Variants in NEDD9 observed in about 807,000 individuals in gnomAD.
NEDD9 encodes the protein enhancer of filamentation 1.
Under a neutral mutation model 76.6 loss-of-function variants are expected in NEDD9, and 26 were observed. The observed-to-expected ratio is 0.34, with a 90% CI of 0.25 to 0.47. The LOEUF (loss-of-function observed/expected upper bound fraction) is 0.47, where lower values mean the gene tolerates loss of function less well. Ranked by LOEUF, NEDD9 falls within the 20% of genes least tolerant of loss-of-function variation. The probability of loss-of-function intolerance (pLI) is 1.00; values close to 1 mark genes in which losing one functional copy is unlikely to be tolerated. For synonymous variants in NEDD9, 392 were observed against 414.2 expected, an observed-to-expected ratio of 0.95 and a Z score of 0.65; for missense variants, 937 against 1,058.5, an observed-to-expected ratio of 0.89 and a Z score of 1.59.
At chr6:11,311,656 G>C (rs138713537) in intron 2 of NEDD9, among the ~76,000 whole-genome samples, 4 of 152,330 alleles carry the variant, frequency 2.6e-5, no homozygotes, top group African/African-American at 7.2e-5. Flanking sequence ...AAAGAAGGAA[G>C]TAACATGTTA....
chr6:11,238,435 C>T (rs995099205), intron 3 of NEDD9, among the ~76,000 whole-genome samples: 4 of 152,206 alleles, frequency 2.6e-5, no homozygotes, highest in South Asian at 4.1e-4. Context: ...TCAATAAGGT[C>T]GAGTCTCCAC....
At chr6:11,285,491 G>A (rs1009116668) in intron 3 of NEDD9, among the ~76,000 whole-genome samples, 4 of 151,956 alleles carry the variant, frequency 2.6e-5, no homozygotes, top group East Asian at 1.9e-4. Flanking sequence ...TGAACAAATC[G>A]ATTCTGAACT....
intron 1 of NEDD9, 88 bp downstream of exon 1, chr6:11,232,416 C>G: frequency 1.3e-6 from 2 of 1,513,844 alleles, no homozygotes; most frequent in South Asian, 1.1e-5. Context: ...ACACAAGGGA[C>G]TGACAGTAAG....
chr6:11,334,349 A>G (rs186475475), intron 2 of NEDD9, among the ~76,000 whole-genome samples: 1 of 152,354 alleles, frequency 6.6e-6, no homozygotes, highest in Non-Finnish European at 1.5e-5. Context: ...AGTATGTATT[A>G]TCTTTTGTCA....
chr6:11,265,960 T>A (rs1760193133), intron 3 of NEDD9, among the ~76,000 whole-genome samples: 1 of 150,024 alleles, frequency 6.7e-6, no homozygotes, highest in Non-Finnish European at 1.5e-5. Flanking sequence ...ATGTTCTCAC[T>A]CATAAGTGGG....
At chr6:11,382,341 G>A (rs145771710), upstream of NEDD9, 48 of 152,388 alleles carry the variant, frequency 3.1e-4, no homozygotes, top group African/African-American at 1.1e-3. Context: ...AGTGGCATAT[G>A]TATGTGTGTG....
intron 1 of NEDD9, among the ~76,000 whole-genome samples, chr6:11,214,840 A>C (rs1192335689): frequency 1.3e-5 from 2 of 152,254 alleles, no homozygotes; most frequent in Admixed American, 1.3e-4. Flanking sequence ...GGATGCACTT[A>C]ATGTCATTGA....
chr6:11,196,549 GCT>G (rs937266696), intron 2 of NEDD9, among the ~76,000 whole-genome samples: 16 of 152,184 alleles, frequency 1.1e-4, no homozygotes, highest in East Asian at 3.9e-4. Context: ...ACCCCAACTT[GCT>G]CTCTCTTTCT....
At chr6:11,310,164 G>A (rs1477386420) in intron 2 of NEDD9, among the ~76,000 whole-genome samples, 5 of 152,184 alleles carry the variant, frequency 3.3e-5, no homozygotes, top group Non-Finnish European at 2.9e-5. Flanking sequence ...AGACCATCTG[G>A]GGAGCCTGTC....
intron 1 of NEDD9, among the ~76,000 whole-genome samples, chr6:11,348,610 GA>G (rs1762406652): frequency 6.6e-6 from 1 of 152,142 alleles, no homozygotes; most frequent in African/African-American, 2.4e-5. Flanking sequence ...AGAGAGCTCA[GA>G]AATAAAGCTG....
intron 2 of NEDD9, among the ~76,000 whole-genome samples, chr6:11,331,776 G>C (rs1762042856): frequency 6.6e-6 from 1 of 152,154 alleles, no homozygotes; most frequent in Non-Finnish European, 1.5e-5. Context: ...TCACGGGTAA[G>C]TTTGCAATTA....
chr6:11,221,169 G>A (rs2113771756), intron 1 of NEDD9, among the ~76,000 whole-genome samples: 1 of 152,230 alleles, frequency 6.6e-6, no homozygotes, highest in Admixed American at 6.5e-5. Flanking sequence ...GATTGCCTGA[G>A]CTCAGGAGTT....
At chr6:11,348,051 C>CCCAA (rs1762397111) in intron 1 of NEDD9, among the ~76,000 whole-genome samples, 1 of 152,188 alleles carries the variant, frequency 6.6e-6, no homozygotes, top group South Asian at 2.1e-4. Context: ...ATAGTCTCTG[C>CCCAA]CCAAACACTC....
intron 1 of NEDD9, among the ~76,000 whole-genome samples, chr6:11,356,016 C>T (rs1238043801): frequency 6.6e-6 from 1 of 152,124 alleles, no homozygotes; most frequent in East Asian, 1.9e-4. Flanking sequence ...CCACCATGCC[C>T]GGCCGAGAGC....
At chr6:11,195,232 T>G (rs1256320521) in intron 2 of NEDD9, among the ~76,000 whole-genome samples, 2 of 152,226 alleles carry the variant, frequency 1.3e-5, no homozygotes, top group Non-Finnish European at 2.9e-5. Context: ...GATTGTTTCT[T>G]GCAACGAAGT....
At chr6:11,382,005 A>T (rs935061448) in intron 1 of NEDD9, 3 of 152,178 alleles carry the variant, frequency 2.0e-5, no homozygotes, top group Admixed American at 2.0e-4. Flanking sequence ...GGGCATGTGG[A>T]GGTCCTCCCT....
intron 3 of NEDD9, among the ~76,000 whole-genome samples, chr6:11,242,934 T>A (rs1176418689): frequency 6.6e-6 from 1 of 151,658 alleles, no homozygotes; most frequent in African/African-American, 2.4e-5. Context: ...AGCAATTGAA[T>A]CTACAAAGAG....
rs895930090 is a variant in NEDD9 at position 11,198,292 on chromosome 6, C to T, written c.460-4600G>A. 2 of 152,176 alleles carry T rather than the reference C, an allele frequency of 1.3e-5. No homozygotes were observed. Among genetic ancestry groups the T allele is most frequent in the East Asian group, 1.9e-4 (1 of 5,182 alleles). 9.4% of individuals were successfully genotyped at this position (152,176 alleles called of 1,614,324 possible). On this transcript the variant is annotated intron_variant, in intron 2 of 6. Coordinates refer to ENST00000379446, the MANE Select transcript of NEDD9 (RefSeq NM_006403.4). The surrounding 1 kb of genome is among the most constrained non-coding windows in gnomAD (Gnocchi z 4.7). ...TTGCCTTCATCTGTGTATTTTTGCC[C>T]TCCTTCCTCTTGGAAATCTTCTGAA...
At chr6:11,267,584 A>G (rs1388388999) in intron 3 of NEDD9, among the ~76,000 whole-genome samples, 1 of 152,200 alleles carries the variant, frequency 6.6e-6, no homozygotes, top group Non-Finnish European at 1.5e-5. Flanking sequence ...AACTAAATAC[A>G]TATGCTGATT....
Sources: gnomAD v4.1 joint callset for allele counts (sites outside exome capture counted in the v4.1 genomes callset) on GRCh38, gnomAD v4.1.1 for gene constraint, Gnocchi (gnomAD v3.1) non-coding constraint, MANE v1.5 for transcripts, NCBI Gene and HGNC (gene_info 2026-07-23, HGNC 2026-07-21) for gene names.